THSD7A: variants seen among roughly 807,000 people sequenced by gnomAD.
THSD7A encodes thrombospondin type-1 domain-containing protein 7A.
A neutral mutation model predicts 231.3 loss-of-function variants in THSD7A; 96 were observed. The observed-to-expected ratio is 0.41, with a 90% confidence interval of 0.35 to 0.49. The LOEUF (loss-of-function observed/expected upper bound fraction) is 0.49, where lower values mean the gene tolerates loss of function less well. THSD7A is among the 20% of genes least tolerant of loss of function. THSD7A has a pLI of 0.05. For synonymous variants in THSD7A, 940 were observed against 743.3 expected (o/e 1.26, Z -4.30); for missense variants, 2,290 against 2,070.2 (o/e 1.11, Z -2.06).
At chr7:11,538,732 T>C (rs62432834) in intron 6 of THSD7A, among the ~76,000 whole-genome samples, 2,361 of 152,200 alleles carry the variant, frequency 0.016, 45 homozygotes, top group East Asian at 0.039. Context: ...CTCTCTTTTG[T>C]CTTGCGACTC....
chr7:11,628,052 A>T (rs1466699241), intron 2 of THSD7A, among the ~76,000 whole-genome samples: 1 of 152,132 alleles, frequency 6.6e-6, no homozygotes, highest in Non-Finnish European at 1.5e-5. Flanking sequence ...TTATTTATTT[A>T]TGTTAAAGTT....
rs1484425832 is a variant in THSD7A at position 11,831,415 on chromosome 7, TTTGC to T, written c.190+338_190+341del. Among the ~76,000 whole-genome samples the T allele has an allele frequency of 6.6e-6, 1 of 152,170 alleles. No homozygotes were observed. Among genetic ancestry groups the T allele is most frequent in the African/African-American group, 2.4e-5 (1 of 41,454 alleles). The stretch of plus-strand genomic sequence containing the variant: ...AAGAATAAAGACTGAGACTAAACTC[TTTGC>T]TTGTTCTTTGCTAGAAATCTGTTTG... On this transcript the variant is annotated intron_variant, in intron 1 of 27. Transcript: ENST00000423059. The surrounding 1 kb of genome is among the most constrained non-coding windows in gnomAD (Gnocchi z 5.0).
intron 6 of THSD7A, among the ~76,000 whole-genome samples, chr7:11,522,149 A>G (rs1473324097): frequency 6.6e-6 from 1 of 152,148 alleles, no homozygotes. Flanking sequence ...GTGAGTGGTA[A>G]AGAGCAGAGC....
intron 8 of THSD7A, among the ~76,000 whole-genome samples, chr7:11,472,798 C>T (rs6979339): frequency 0.32 from 48,797 of 151,934 alleles, 8,914 homozygotes; most frequent in Middle Eastern, 0.45. Context: ...GGTGATTAAC[C>T]GTGGGACAGG....
At chr7:11,760,373 A>G (rs1055580577) in intron 1 of THSD7A, among the ~76,000 whole-genome samples, 1 of 151,890 alleles carries the variant, frequency 6.6e-6, no homozygotes, top group African/African-American at 2.4e-5. Context: ...TGTAGTGGGC[A>G]AAAAAAAGAA....
chr7:11,697,976 A>G (rs548887293), intron 1 of THSD7A, among the ~76,000 whole-genome samples: 1 of 151,432 alleles, frequency 6.6e-6, no homozygotes, highest in African/African-American at 2.4e-5. Flanking sequence ...TATGTTAGTC[A>G]TACGAATGCC....
intron 2 of THSD7A, among the ~76,000 whole-genome samples, chr7:11,625,393 C>A (rs1781443596): frequency 6.6e-6 from 1 of 152,036 alleles, no homozygotes; most frequent in Non-Finnish European, 1.5e-5. Flanking sequence ...ATTTTGTCCA[C>A]TTACAATTCA....
intron 1 of THSD7A, among the ~76,000 whole-genome samples, chr7:11,825,401 T>G (rs188908425): frequency 3.9e-5 from 6 of 152,276 alleles, no homozygotes; most frequent in Admixed American, 1.3e-4. Flanking sequence ...CTTTCCATTC[T>G]ATAATGGTGT....
intron 6 of THSD7A, among the ~76,000 whole-genome samples, chr7:11,525,490 G>A (rs1788433315): frequency 6.6e-6 from 1 of 152,084 alleles, no homozygotes. Context: ...AGTAATGGAA[G>A]TAATACAACT....
At chr7:11,538,540 G>C (rs1200687562) in intron 6 of THSD7A, among the ~76,000 whole-genome samples, 1 of 152,100 alleles carries the variant, frequency 6.6e-6, no homozygotes, top group Middle Eastern at 3.2e-3. Context: ...TCAAATATCA[G>C]AAAAATTAAA....
rs1303909434 is a variant in THSD7A at position 11,372,286 on chromosome 7, TC to T, written c.*3507del. On this transcript the variant is annotated 3_prime_UTR_variant, in exon 28 of 28. Coordinates refer to ENST00000423059, the MANE Select transcript of THSD7A (RefSeq NM_015204.3). ...CTATCTTCACTCATTAAGCATTTTT[TC>T]CTTCTTTTGGATGTCTGTCTTAAGT... 6 of 151,800 alleles carry T rather than the reference TC, an allele frequency of 4.0e-5. No homozygotes were observed. The highest frequency in any genetic ancestry group is 1.2e-4 in the African/African-American group (5 of 41,336). 9.4% of individuals were successfully genotyped at this position (151,800 alleles called of 1,614,324 possible).
rs753465087 is a variant in THSD7A at position 11,407,068 on chromosome 7, C to T, written c.3917-13G>A. The T allele has an allele frequency of 1.1e-5, 18 of 1,613,088 alleles. No homozygotes were observed. The highest frequency in any genetic ancestry group is 1.4e-5 in the Non-Finnish European group (17 of 1,179,584). On this transcript the variant is annotated splice_polypyrimidine_tract_variant and intron_variant, in intron 20 of 27. Transcript: ENST00000423059. Reference sequence around the variant, plus strand: ...CGGATCATTTTTCCTTGAAGAGATACAAAGTGATGCACCTTTAATATATGT... The same window carrying T: ...CGGATCATTTTTCCTTGAAGAGATATAAAGTGATGCACCTTTAATATATGT...
At chr7:11,462,643 G>A (rs113066136) in intron 9 of THSD7A, among the ~76,000 whole-genome samples, 7 of 151,832 alleles carry the variant, frequency 4.6e-5, no homozygotes, top group Admixed American at 2.6e-4. Context: ...AAATTATTCC[G>A]GTCATTTATT....
chr7:11,618,129 A>AT (rs1202305935), intron 2 of THSD7A, among the ~76,000 whole-genome samples: 1 of 152,206 alleles, frequency 6.6e-6, no homozygotes, highest in African/African-American at 2.4e-5. Context: ...ATGGACACTT[A>AT]TATGTGGCTA....
chr7:11,383,231 T>C (rs1782594901), intron 23 of THSD7A, among the ~76,000 whole-genome samples: 1 of 152,134 alleles, frequency 6.6e-6, no homozygotes, highest in South Asian at 2.1e-4. Context: ...CTATTCTGTG[T>C]AGCATTCTGA....
At chr7:11,674,947 C>A (rs1783576905) in intron 1 of THSD7A, among the ~76,000 whole-genome samples, 1 of 152,088 alleles carries the variant, frequency 6.6e-6, no homozygotes, top group Non-Finnish European at 1.5e-5. Flanking sequence ...GATGACATAG[C>A]TATGTTAAGA....
intron 6 of THSD7A, among the ~76,000 whole-genome samples, chr7:11,502,993 C>A (rs1261337021): frequency 2.6e-5 from 4 of 152,078 alleles, no homozygotes; most frequent in Non-Finnish European, 5.9e-5. Flanking sequence ...AAAAGAGAGT[C>A]CAAATAGCCA....
intron 3 of THSD7A, among the ~76,000 whole-genome samples, chr7:11,592,871 A>G (rs1455993215): frequency 6.6e-6 from 1 of 152,012 alleles, no homozygotes; most frequent in East Asian, 1.9e-4. Context: ...TTTTTTTTAT[A>G]TAAATAAAAT....
chr7:11,421,411 G>T (rs1265322235), intron 16 of THSD7A, among the ~76,000 whole-genome samples: 3 of 151,784 alleles, frequency 2.0e-5, no homozygotes, highest in African/African-American at 4.9e-5. Context: ...TGTCATGATT[G>T]TAAGTTTCCT....
Sources: gnomAD v4.1 joint callset for allele counts (sites outside exome capture counted in the v4.1 genomes callset) on GRCh38, gnomAD v4.1.1 for gene constraint, Gnocchi (gnomAD v3.1) non-coding constraint, MANE v1.5 for transcripts, NCBI Gene and HGNC (gene_info 2026-07-23, HGNC 2026-07-21) for gene names.